TSHR: variants seen among roughly 807,000 people sequenced by gnomAD.
TSHR encodes the protein thyroid stimulating hormone receptor.
Under a neutral mutation model 64.1 loss-of-function variants are expected in TSHR, and 51 were observed. The observed-to-expected ratio is 0.80, with a 90% CI of 0.64 to 1.01. TSHR has a LOEUF of 1.01. Ranked by LOEUF, TSHR falls within the 50% of genes least tolerant of loss-of-function variation. The pLI is 0.00. For missense variants in TSHR, 877 were observed against 942.8 expected (o/e 0.93, Z 0.91); for synonymous variants, 361 against 361.9 (o/e 1.00, Z 0.03).
At position 81,116,012 on chromosome 14, in the gene TSHR, A is replaced by C. The variant is rs1481981349; in HGVS notation, c.692+7560A>C. ...TTTTCTCACCACCAGGCCTGCCCTA[A>C]AGGAGCTCCTGAAGGAAGCGCTAAA... On this transcript the variant is annotated intron_variant, in intron 8 of 9. Coordinates refer to ENST00000298171, the MANE Select transcript of TSHR (RefSeq NM_000369.5). 9.2e-5 allele frequency among the ~76,000 whole-genome samples: 14 copies of C among 152,230 alleles called. No individual in the cohort carries two copies. The East Asian group carries it at 2.5e-3, about 28-fold the overall frequency.
rs533190922 is a variant in TSHR at position 80,982,819 on chromosome 14, C to A, written c.170+26969C>A. 12 of 521,096 alleles carry A rather than the reference C, an allele frequency of 2.3e-5. No individual in the cohort carries two copies. In the South Asian group the frequency reaches 3.4e-4, roughly 15 times the overall value. The allele number at this position is 521,096 out of a possible 1,614,324, so 32.3% of individuals were successfully genotyped here. On this transcript the variant is annotated intron_variant, in intron 1 of 9. Coordinates refer to ENST00000298171, the MANE Select transcript of TSHR (RefSeq NM_000369.5). Reference sequence around the variant, plus strand: ...CACTAACTCATGCTCACAGCCCATCCCTGAGTGTCCTTTTGGTTCCGACCC... The same window carrying A: ...CACTAACTCATGCTCACAGCCCATCACTGAGTGTCCTTTTGGTTCCGACCC...
intron 1 of TSHR, among the ~76,000 whole-genome samples, chr14:81,005,779 G>A (rs545072855): frequency 6.6e-6 from 1 of 152,214 alleles, no homozygotes; most frequent in Non-Finnish European, 1.5e-5. Context: ...GTGATGAAAG[G>A]AGGACTGGAT....
At position 81,104,866 on chromosome 14, in the gene TSHR, A is replaced by AG. The variant is rs1346659974; in HGVS notation, c.615-3508dup. 9 of 985,456 alleles carry AG rather than the reference A, an allele frequency of 9.1e-6. No individual in the cohort carries two copies. The East Asian group carries it at 7.9e-4, about 87-fold the overall frequency. The allele number at this position is 985,456 out of a possible 1,614,324, so 61.0% of individuals were successfully genotyped here. ...TCCAACAGGTTCTCAAAGAGGAATA[A>AG]GACCCCAAGCGGTGAAAAGCTGTTG... is the stretch of plus-strand genomic sequence containing the variant. On this transcript the variant is annotated intron_variant, in intron 7 of 9. Transcript: ENST00000298171.
intron 1 of TSHR, among the ~76,000 whole-genome samples, chr14:80,978,094 AACACACACACAC>A (rs60697218): frequency 6.8e-5 from 10 of 146,382 alleles, no homozygotes; most frequent in South Asian, 2.2e-4. Flanking sequence ...ACATCCCTCC[AACACACACACAC>A]ACACACACAC....
chr14:80,997,935 A>G (rs12323356), intron 1 of TSHR, among the ~76,000 whole-genome samples: 72,689 of 151,784 alleles, frequency 0.48, 17,772 homozygotes, highest in East Asian at 0.58. Flanking sequence ...TGTTTGTCTG[A>G]ACTGTCTCAT....
intron 1 of TSHR, chr14:80,959,517 C>T (rs1886906596): frequency 6.6e-6 from 1 of 152,216 alleles, no homozygotes; most frequent in Non-Finnish European, 1.5e-5. Flanking sequence ...GACAACCATT[C>T]TGCACCACTC....
chr14:81,041,170 G>A (rs1293860910), intron 1 of TSHR, among the ~76,000 whole-genome samples: 1 of 151,912 alleles, frequency 6.6e-6, no homozygotes, highest in African/African-American at 2.4e-5. Context: ...TCATTACTAG[G>A]TATATACCCA....
At chr14:81,126,541 G>A (rs1463915907) in intron 8 of TSHR, among the ~76,000 whole-genome samples, 1 of 152,118 alleles carries the variant, frequency 6.6e-6, no homozygotes, top group South Asian at 2.1e-4. Flanking sequence ...GCATGGTTTT[G>A]CTAAAGTTAC....
At chr14:81,025,012 T>C (rs1039343544) in intron 1 of TSHR, among the ~76,000 whole-genome samples, 2 of 152,248 alleles carry the variant, frequency 1.3e-5, no homozygotes, top group Admixed American at 1.3e-4. Flanking sequence ...AAGCAGATAC[T>C]TGCAACACCT....
chr14:81,143,278 C>A lies in TSHR; in HGVS notation c.1220C>A (p.Pro407Gln), dbSNP rs367815744. ...ACCCCCAAGTCCGATGAGTTCAACC[C>A]GTGTGAAGACATAATGGGCTACAAG... ...VCTPKSDEFN[P>Q]CEDIMGYKFL... is the part of the protein sequence containing the mutation. Residue 407 changes from proline (P) to glutamine (Q), a missense_variant, in exon 10 of 10, where the codon CCG becomes CAG. Coordinates refer to ENST00000298171, the MANE Select transcript of TSHR (RefSeq NM_000369.5). 1 of 1,614,110 alleles carries A rather than the reference C, an allele frequency of 6.2e-7. No individual in the cohort carries two copies. Among genetic ancestry groups the A allele is most frequent in the Admixed American group, 1.7e-5 (1 of 60,014 alleles).
intron 1 of TSHR, chr14:80,995,804 T>G (rs1203842473): frequency 6.7e-6 from 1 of 148,424 alleles, no homozygotes; most frequent in Non-Finnish European, 1.5e-5. Context: ...GTAACAAACC[T>G]GCACTTGTAC....
intron 3 of TSHR, among the ~76,000 whole-genome samples, chr14:81,082,814 T>C (rs1010715824): frequency 4.6e-5 from 7 of 152,132 alleles, no homozygotes; most frequent in Non-Finnish European, 1.0e-4. Flanking sequence ...CTCATCCCCA[T>C]CTAATTTTGC....
At chr14:81,060,488 G>C (rs992285663) in intron 1 of TSHR, among the ~76,000 whole-genome samples, 1 of 152,096 alleles carries the variant, frequency 6.6e-6, no homozygotes, top group African/African-American at 2.4e-5. Flanking sequence ...AACACCAGAG[G>C]TTGGGAAGAG....
chr14:81,028,871 A>C (rs1010352316), intron 1 of TSHR, among the ~76,000 whole-genome samples: 3 of 152,042 alleles, frequency 2.0e-5, no homozygotes, highest in African/African-American at 7.2e-5. Flanking sequence ...TTTAAACCCA[A>C]AATGGATTCT....
Position 81,143,007 on chromosome 14 carries a change from G to C in TSHR, c.949G>C (p.Ala317Pro). ...CTTGCGCCAGAGAAAATCTGTGAAT[G>C]CCTTGAATAGCCCCCTCCACCAGGA... The part of the protein sequence containing the change: ...QSLRQRKSVN[A>P]LNSPLHQEYE... The change falls in exon 10 of 10, where the codon GCC becomes CCC. Residue 317 changes from alanine (A) to proline (P), a missense_variant. Coordinates refer to ENST00000298171, the MANE Select transcript of TSHR (RefSeq NM_000369.5). The C allele has an allele frequency of 6.2e-7, 1 of 1,614,172 alleles. No homozygotes were observed. Among genetic ancestry groups the C allele is most frequent in the Non-Finnish European group, 8.5e-7 (1 of 1,180,042 alleles).
At chr14:80,974,863 C>T (rs111263338) in intron 1 of TSHR, among the ~76,000 whole-genome samples, 13 of 152,222 alleles carry the variant, frequency 8.5e-5, no homozygotes, top group South Asian at 2.1e-4. Context: ...CTAAAAGTCA[C>T]GGTGAAGAGC....
chr14:81,097,280 CT>C (rs200481937), intron 7 of TSHR, among the ~76,000 whole-genome samples: 408 of 151,588 alleles, frequency 2.7e-3, no homozygotes, highest in African/African-American at 9.4e-3. Flanking sequence ...TCAAATTTAC[CT>C]GCTCATTTTT....
At chr14:81,028,547 A>T (rs960205315) in intron 1 of TSHR, among the ~76,000 whole-genome samples, 6 of 152,094 alleles carry the variant, frequency 3.9e-5, no homozygotes, top group African/African-American at 1.2e-4. Context: ...TGGAAAAAAA[A>T]CTTGGGACAG....
At chr14:81,067,940 T>TA (rs1886764852) in intron 2 of TSHR, among the ~76,000 whole-genome samples, 1 of 138,594 alleles carries the variant, frequency 7.2e-6, no homozygotes, top group Non-Finnish European at 1.5e-5. Flanking sequence ...TATATATATA[T>TA]ATATATATAT....
Sources: gnomAD v4.1 joint callset for allele counts (sites outside exome capture counted in the v4.1 genomes callset) on GRCh38, gnomAD v4.1.1 for gene constraint, MANE v1.5 for transcripts, NCBI Gene and HGNC (gene_info 2026-07-23, HGNC 2026-07-21) for gene names.